Variants in THTPA observed in about 807,000 individuals in gnomAD.
The protein encoded by THTPA is thiamine-triphosphatase.
In THTPA, 16 loss-of-function variants were observed where a neutral mutation model predicts 16.5. The observed-to-expected ratio is 0.97, with a 90% CI of 0.66 to 1.47. The LOEUF (loss-of-function observed/expected upper bound fraction) is 1.47. THTPA is among the 40% of genes most tolerant of loss of function. The pLI is 0.00. For missense variants in THTPA, 281 were observed against 280.9 expected (o/e 1.00, Z 0.00); for synonymous variants, 110 against 115.5 (o/e 0.95, Z 0.30).
In THTPA at chr14:23,559,451, G is replaced by A. The variant is rs1321462895; in HGVS notation, c.*611G>A. Reference sequence around the variant, plus strand: ...AAGAACCAACAGCTGCCCCCTCCCCGCCCCCGTGTTGAGACAGGTTCTCAA... The same window carrying A: ...AAGAACCAACAGCTGCCCCCTCCCCACCCCCGTGTTGAGACAGGTTCTCAA... On this transcript the variant is annotated 3_prime_UTR_variant, in exon 2 of 2. Coordinates refer to ENST00000288014, the MANE Select transcript of THTPA (RefSeq NM_024328.6). The A allele has an allele frequency of 3.5e-5, 13 of 372,136 alleles. No homozygotes were observed. The highest frequency in any genetic ancestry group is 1.9e-4 in the East Asian group (3 of 16,162). 23.1% of individuals were successfully genotyped at this position (372,136 alleles called of 1,614,324 possible).
chr14:23,533,229 C>T, the THTPA span: 127 of 1,435,196 alleles, frequency 8.8e-5, no homozygotes, highest in Middle Eastern at 2.3e-4. This position sits in a 1 kb window ranked among gnomAD's most constrained non-coding sequence, Gnocchi z 4.8. Context: ...GGAGAAAGCA[C>T]GGAATAGAGT....
At chr14:23,547,782 A>G in the THTPA span, among the ~76,000 whole-genome samples, 2 of 152,208 alleles carry the variant, frequency 1.3e-5, no homozygotes, top group Non-Finnish European at 2.9e-5. Flanking sequence ...CTCCCTACTA[A>G]TTCAACGTTT....
chr14:23,535,433 C>G, the THTPA span: 1 of 1,324,736 alleles, frequency 7.5e-7, no homozygotes, highest in East Asian at 2.6e-5. The surrounding 1 kb of genome is among the most constrained non-coding windows in gnomAD (Gnocchi z 4.5). Flanking sequence ...AGCTGGGCAG[C>G]TGGATCTCTG....
rs535117561 is a variant in THTPA at position 23,556,512 on chromosome 14, A to G, written c.-246A>G. 7 of 542,862 alleles carry G rather than the reference A, an allele frequency of 1.3e-5. No individual in the cohort carries two copies. The highest frequency in any genetic ancestry group is 7.6e-5 in the African/African-American group (4 of 52,914). The allele number at this position is 542,862 out of a possible 1,614,324, so 33.6% of individuals were successfully genotyped here. A position where few individuals can be genotyped will look rare whatever the true frequency, so the allele number is the denominator to read the frequency against. ...GTCTCTTTGGATTGAGGACATCAGCAGCAGTGGAAGGGATTTTACTGGAGA... is the reference window on the plus strand; with the variant it reads ...GTCTCTTTGGATTGAGGACATCAGCGGCAGTGGAAGGGATTTTACTGGAGA... On this transcript the variant is annotated 5_prime_UTR_variant, in exon 1 of 2. Coordinates refer to ENST00000288014, the MANE Select transcript of THTPA (RefSeq NM_024328.6).
chr14:23,535,378 T>C, the THTPA span: 1 of 1,433,900 alleles, frequency 7.0e-7, no homozygotes, highest in Non-Finnish European at 9.1e-7. This position sits in a 1 kb window ranked among gnomAD's most constrained non-coding sequence, Gnocchi z 4.5. Context: ...CAGTACCCTG[T>C]AGGGAGACAA....
the THTPA span, among the ~76,000 whole-genome samples, chr14:23,536,121 C>T: frequency 1.2e-3 from 186 of 152,328 alleles, no homozygotes; most frequent in African/African-American, 4.3e-3. Flanking sequence ...GCACAGAAGG[C>T]AGGCCATTAT....
chr14:23,534,250 T>C, the THTPA span: 14 of 1,525,452 alleles, frequency 9.2e-6, no homozygotes, highest in Admixed American at 6.0e-5. The surrounding 1 kb of genome is among the most constrained non-coding windows in gnomAD (Gnocchi z 4.5). Flanking sequence ...TTCTTTGGCT[T>C]GGGTTGGGCT....
At chr14:23,525,417 A>G in the THTPA span, 1 of 1,536,154 alleles carries the variant, frequency 6.5e-7, no homozygotes, top group Non-Finnish European at 8.7e-7. The surrounding 1 kb of genome is among the most constrained non-coding windows in gnomAD (Gnocchi z 5.9). Context: ...AGGGCTTCAA[A>G]GGGCAGAAAG....
the THTPA span, chr14:23,524,161 T>C: frequency 6.5e-7 from 1 of 1,536,036 alleles, no homozygotes; most frequent in South Asian, 1.2e-5. This position sits in a 1 kb window ranked among gnomAD's most constrained non-coding sequence, Gnocchi z 5.6. Flanking sequence ...GTTTCACTGC[T>C]GGACTAGGCA....
the THTPA span, chr14:23,529,851 T>C: frequency 7.2e-7 from 1 of 1,393,860 alleles, no homozygotes; most frequent in Non-Finnish European, 9.8e-7. Flanking sequence ...GGTAGGGAGT[T>C]GGGCACTAGA....
At chr14:23,531,617 G>A in the THTPA span, 2 of 1,524,878 alleles carry the variant, frequency 1.3e-6, no homozygotes, top group Admixed American at 4.0e-5. Context: ...GTGTGCGCAG[G>A]TGTTGCAGCA....
chr14:23,513,911 A>C, the THTPA span: 1 of 152,564 alleles, frequency 6.6e-6, no homozygotes, highest in Admixed American at 6.5e-5. Flanking sequence ...TGGTGGAGAG[A>C]GTAGCCAGGG....
chr14:23,512,439 A>G, the THTPA span, among the ~76,000 whole-genome samples: 1 of 152,020 alleles, frequency 6.6e-6, no homozygotes, highest in East Asian at 1.9e-4. Context: ...CTCTAGATCT[A>G]TTTGAATCTG....
chr14:23,523,163 T>C, the THTPA span: 93 of 1,408,774 alleles, frequency 6.6e-5, no homozygotes, highest in Non-Finnish European at 8.2e-5. This position sits in a 1 kb window ranked among gnomAD's most constrained non-coding sequence, Gnocchi z 4.1. Flanking sequence ...TAGAGGGGGA[T>C]GTTCTCTGAA....
At chr14:23,524,875 G>A in the THTPA span, 24 of 1,536,350 alleles carry the variant, frequency 1.6e-5, no homozygotes, top group South Asian at 2.4e-5. The surrounding 1 kb of genome is among the most constrained non-coding windows in gnomAD (Gnocchi z 5.6). Flanking sequence ...AGCACTTCTT[G>A]AGGTGGCGCA....
the THTPA span, among the ~76,000 whole-genome samples, chr14:23,550,416 C>T: frequency 2.0e-5 from 3 of 152,132 alleles, no homozygotes; most frequent in Admixed American, 2.0e-4. Flanking sequence ...AATCCTAGAC[C>T]GACAGAACAG....
the THTPA span, among the ~76,000 whole-genome samples, chr14:23,539,546 G>T: frequency 6.6e-6 from 1 of 152,194 alleles, no homozygotes; most frequent in Non-Finnish European, 1.5e-5. Context: ...AAGGACCGGA[G>T]AATTACAAGA....
chr14:23,527,046 C>A, the THTPA span: 1 of 1,427,410 alleles, frequency 7.0e-7, no homozygotes, highest in Non-Finnish European at 9.1e-7. Context: ...ACCCATCTGC[C>A]CTACACCTGT....
At chr14:23,534,467 C>T in the THTPA span, 2 of 1,536,302 alleles carry the variant, frequency 1.3e-6, no homozygotes, top group Non-Finnish European at 8.7e-7. The surrounding 1 kb of genome is among the most constrained non-coding windows in gnomAD (Gnocchi z 4.5). Context: ...CTTATGAGGG[C>T]CTTGCAGCCT....
Sources: gnomAD v4.1 joint callset for allele counts (sites outside exome capture counted in the v4.1 genomes callset) on GRCh38, gnomAD v4.1.1 for gene constraint, Gnocchi (gnomAD v3.1) non-coding constraint, MANE v1.5 for transcripts, NCBI Gene and HGNC (gene_info 2026-07-23, HGNC 2026-07-21) for gene names.